Variants in EDIL3 observed in about 807,000 individuals in gnomAD.
The protein encoded by EDIL3 is EGF-like repeat and discoidin I-like domain-containing protein 3.
A neutral mutation model predicts 67.4 loss-of-function variants in EDIL3; 37 were observed. The ratio of observed to expected loss-of-function variants is 0.55; its 90% CI spans 0.42 to 0.72. The LOEUF (loss-of-function observed/expected upper bound fraction) is 0.72, where lower values mean the gene tolerates loss of function less well. Ranked by LOEUF, EDIL3 falls within the 30% of genes least tolerant of loss-of-function variation. The probability of loss-of-function intolerance (pLI) is 0.00; values close to 1 mark genes in which losing one functional copy is unlikely to be tolerated. For synonymous variants in EDIL3, 195 were observed against 196.3 expected (o/e 0.99, Z 0.05); for missense variants, 527 against 586.3 (o/e 0.90, Z 1.04).
chr5:84,235,901 A>G (rs1216460111), intron 2 of EDIL3, among the ~76,000 whole-genome samples: 3 of 152,042 alleles, frequency 2.0e-5, no homozygotes, highest in Non-Finnish European at 2.9e-5. Flanking sequence ...AAAGACCATT[A>G]GATTATCTCA....
In EDIL3 at chr5:84,340,605, T is replaced by C. The variant is rs1262999743; in HGVS notation, c.67+43703A>G. 2.0e-5 allele frequency among the ~76,000 whole-genome samples: 3 copies of C among 147,344 alleles called. No homozygotes were observed. The Admixed American group carries it at 2.1e-4, about 10-fold the overall frequency. On this transcript the variant is annotated intron_variant, in intron 1 of 10. Coordinates refer to ENST00000296591, the MANE Select transcript of EDIL3 (RefSeq NM_005711.5). ...ACATATATATATGTATGTATGTATA[T>C]AAAAATTGAACTCTCTATTACCAAG...
At chr5:84,254,743 C>T (rs1234976541) in intron 1 of EDIL3, among the ~76,000 whole-genome samples, 2 of 152,048 alleles carry the variant, frequency 1.3e-5, no homozygotes, top group Non-Finnish European at 2.9e-5. Flanking sequence ...GTGCTGAGAT[C>T]GTCATGTGAA....
At chr5:84,246,539 T>C (rs1744912563) in intron 2 of EDIL3, among the ~76,000 whole-genome samples, 1 of 152,220 alleles carries the variant, frequency 6.6e-6, no homozygotes, top group Non-Finnish European at 1.5e-5. Context: ...TACATTCAAA[T>C]ACAAAAGCAG....
chr5:84,258,111 G>A (rs984537160), intron 1 of EDIL3, among the ~76,000 whole-genome samples: 1 of 152,102 alleles, frequency 6.6e-6, no homozygotes, highest in Non-Finnish European at 1.5e-5. Flanking sequence ...CATAATTAGG[G>A]TTATTATAGA....
At chr5:84,013,795 A>C (rs1180817147) in intron 9 of EDIL3, among the ~76,000 whole-genome samples, 69 of 152,346 alleles carry the variant, frequency 4.5e-4, no homozygotes, top group Admixed American at 4.5e-3. Context: ...TTGCATATCA[A>C]ACCTGTCTTC....
intron 9 of EDIL3, among the ~76,000 whole-genome samples, chr5:84,045,178 C>G (rs1580296824): frequency 1.3e-5 from 2 of 152,152 alleles, no homozygotes; most frequent in Admixed American, 1.3e-4. Context: ...ATGAGGGAAA[C>G]TGCCCCCATG....
At chr5:83,958,260 T>A (rs1289034644) in intron 10 of EDIL3, among the ~76,000 whole-genome samples, 2 of 151,560 alleles carry the variant, frequency 1.3e-5, no homozygotes, top group Admixed American at 1.3e-4. Flanking sequence ...ACATTTAGAT[T>A]TCCAGCTCAT....
intron 9 of EDIL3, among the ~76,000 whole-genome samples, chr5:84,057,403 A>AC (rs748337418): frequency 0.3 from 45,898 of 151,902 alleles, 7,001 homozygotes; most frequent in South Asian, 0.35. Flanking sequence ...TATGGGGTGT[A>AC]AAATAGTTTG....
chr5:84,221,065 C>G (rs976748633), intron 3 of EDIL3, among the ~76,000 whole-genome samples: 6 of 151,992 alleles, frequency 3.9e-5, no homozygotes, highest in African/African-American at 1.4e-4. Flanking sequence ...GATATTTAAT[C>G]TATATTAAAT....
intron 1 of EDIL3, among the ~76,000 whole-genome samples, chr5:84,327,070 C>G (rs1309077793): frequency 6.6e-6 from 1 of 151,822 alleles, no homozygotes; most frequent in Non-Finnish European, 1.5e-5. Flanking sequence ...TTACTACAAT[C>G]AAGATAATTA....
chr5:84,224,897 C>T lies in EDIL3; in HGVS notation c.226+4958G>A, dbSNP rs575623445. On this transcript the variant is annotated intron_variant, in intron 3 of 10. Coordinates refer to ENST00000296591, the MANE Select transcript of EDIL3 (RefSeq NM_005711.5). ...AAATATATCACTTCTAAAAGTGATT[C>T]ATTTTGGGGTACAGTATCTGCTTTA... is the stretch of plus-strand genomic sequence containing the variant. Among the ~76,000 whole-genome samples, 20 of 151,548 alleles carry T rather than the reference C, an allele frequency of 1.3e-4. No individual in the cohort carries two copies. The South Asian group carries it at 3.3e-3, about 25-fold the overall frequency.
At chr5:83,988,638 A>G (rs377079445) in intron 9 of EDIL3, among the ~76,000 whole-genome samples, 1 of 152,162 alleles carries the variant, frequency 6.6e-6, no homozygotes, top group Non-Finnish European at 1.5e-5. Flanking sequence ...AGTAGCCTTC[A>G]TAACAACTGC....
intron 2 of EDIL3, among the ~76,000 whole-genome samples, chr5:84,243,505 T>G (rs774299348): frequency 5.9e-5 from 9 of 152,134 alleles, no homozygotes; most frequent in Admixed American, 3.3e-4. Flanking sequence ...TGAGTAACAA[T>G]AATGAGTTCT....
chr5:84,236,875 A>C (rs916431953), intron 2 of EDIL3, among the ~76,000 whole-genome samples: 5 of 152,056 alleles, frequency 3.3e-5, no homozygotes, highest in African/African-American at 1.2e-4. Flanking sequence ...GTAAGGGATA[A>C]AGCAGATCAA....
intron 10 of EDIL3, 53 bp downstream of exon 10, chr5:83,963,152 G>T: frequency 1.3e-6 from 2 of 1,534,368 alleles, no homozygotes; most frequent in Non-Finnish European, 1.8e-6. Flanking sequence ...TCAAACTTGG[G>T]TGTAATTTGA....
intron 6 of EDIL3, among the ~76,000 whole-genome samples, chr5:84,070,067 G>A (rs985288411): frequency 5.9e-5 from 9 of 151,984 alleles, no homozygotes; most frequent in African/African-American, 2.2e-4. Flanking sequence ...GAGTCCTGCC[G>A]CTGAGCAGCC....
At chr5:84,047,133 G>A (rs1468932810) in intron 9 of EDIL3, among the ~76,000 whole-genome samples, 2 of 152,048 alleles carry the variant, frequency 1.3e-5, no homozygotes, top group Non-Finnish European at 2.9e-5. Flanking sequence ...AAGGTTCCAT[G>A]CATTTTTTAA....
At chr5:84,050,761 G>A (rs1212805872) in intron 9 of EDIL3, among the ~76,000 whole-genome samples, 5 of 152,202 alleles carry the variant, frequency 3.3e-5, no homozygotes, top group African/African-American at 1.2e-4. Flanking sequence ...CAGTGAGGCT[G>A]GGGGAGGGGT....
At chr5:84,176,755 A>G (rs79439671) in intron 4 of EDIL3, among the ~76,000 whole-genome samples, 11 of 149,832 alleles carry the variant, frequency 7.3e-5, no homozygotes, top group South Asian at 4.2e-4. Flanking sequence ...GTGTGTATAT[A>G]TGTGTGTGTG....
Sources: allele counts gnomAD v4.1 joint callset (sites outside exome capture counted in the v4.1 genomes callset), GRCh38; gene constraint gnomAD v4.1.1; transcripts MANE v1.5; gene names NCBI Gene and HGNC (gene_info 2026-07-23, HGNC 2026-07-21).